RND2: variants seen among roughly 807,000 people sequenced by gnomAD.
RND2 encodes the protein rho-related GTP-binding protein RhoN.
In RND2, 16 loss-of-function variants were observed where a neutral mutation model predicts 25.9. The ratio of observed to expected loss-of-function variants is 0.62; its 90% CI spans 0.42 to 0.94. The LOEUF (loss-of-function observed/expected upper bound fraction) is 0.94. RND2 is among the 40% of genes least tolerant of loss of function. RND2 has a pLI of 0.00. For synonymous variants in RND2, 97 were observed against 118.1 expected (o/e 0.82, Z 1.16); for missense variants, 276 against 305.5 (o/e 0.90, Z 0.72).
Position 43,025,351 on chromosome 17 carries a change from G to A in RND2, c.4G>A (p.Glu2Lys). The stretch of plus-strand genomic sequence containing the variant: ...GGACCGGCGCGTAGCCGGGACCATG[G>A]AGGGGCAGAGCGGCCGCTGCAAGAT... M[E>K]GQSGRCKIVV... The change falls in exon 1 of 5, where the codon GAG becomes AAG. Residue 2 changes from glutamate (E) to lysine (K), a missense_variant. Physicochemically the swap from Glu to Lys is moderately conservative, Grantham distance 56 (BLOSUM62 1). Transcript: ENST00000587250. 2 of 1,546,554 alleles carry A rather than the reference G, an allele frequency of 1.3e-6. No individual in the cohort carries two copies. The highest frequency in any genetic ancestry group is 1.7e-6 in the Non-Finnish European group (2 of 1,145,924).
intron 1 of RND2, 41 bp downstream of exon 1, chr17:43,025,490 TG>T (rs769750036): frequency 3.2e-5 from 26 of 818,484 alleles, no homozygotes; most frequent in East Asian, 1.5e-4. Flanking sequence ...CTAAGGCTGC[TG>T]GGGGGTGGGT....
chr17:43,027,169 C>G lies in RND2; in HGVS notation c.191-14C>G. On this transcript the variant is annotated splice_polypyrimidine_tract_variant and intron_variant, in intron 2 of 4. Transcript: ENST00000587250. The stretch of plus-strand genomic sequence containing the variant: ...CCCATCCACTCAGGCCCCTCATGCC[C>G]TGTCTTCCTTCAGGTTCCTCTTACT... 6.4e-7 allele frequency: 1 copy of G among 1,570,708 alleles called. No individual in the cohort carries two copies. The highest frequency in any genetic ancestry group is 2.3e-5 in the East Asian group (1 of 44,116).
At position 43,025,448 on chromosome 17, in the gene RND2, G is replaced by T; in HGVS notation, c.101G>T (p.Gly34Val). 6.5e-7 allele frequency: 1 copy of T among 1,548,878 alleles called. No individual in the cohort carries two copies. Among genetic ancestry groups the T allele is most frequent in the Admixed American group, 2.0e-5 (1 of 50,874 alleles). ...LQVFAKDAYPGSYVPTVFENY... is the reference protein window; with the variant it reads ...LQVFAKDAYPVSYVPTVFENY... ...GTGTTCGCCAAGGACGCCTATCCCG[G>T]GGTGAGGGACCTGCGTCTTGGGAGG... Residue 34 changes from glycine (G) to valine (V), a missense_variant and splice_region_variant, in exon 1 of 5, where the codon GGG becomes GTG. By Grantham distance (109) the Gly-to-Val change is moderately radical. Coordinates refer to ENST00000587250, the MANE Select transcript of RND2 (RefSeq NM_005440.5).
intron 2 of RND2, 97 bp downstream of exon 2, chr17:43,026,144 C>A: frequency 1.4e-6 from 1 of 725,554 alleles, no homozygotes; most frequent in Non-Finnish European, 2.4e-6. Context: ...CCCAGCCCAT[C>A]CATCCAATTC....
In RND2 at chr17:43,025,416, G is replaced by A; in HGVS notation, c.69G>A (p.Leu23=). The change falls in exon 1 of 5, where the codon CTG becomes CTA. Residue 23 remains leucine, a synonymous_variant. Transcript: ENST00000587250. ...ACGCAGAGTGCGGCAAGACGGCGCT[G>A]CTGCAGGTGTTCGCCAAGGACGCCT... is the stretch of plus-strand genomic sequence containing the variant. ...VGDAECGKTA[L]LQVFAKDAYP... 1 of 1,552,732 alleles carries A rather than the reference G, an allele frequency of 6.4e-7. No homozygotes were observed. The highest frequency in any genetic ancestry group is 8.7e-7 in the Non-Finnish European group (1 of 1,148,150).
rs895256321 is a variant in RND2 at position 43,030,648 on chromosome 17, G to A, written c.*1968G>A. ...GAGGAGTTTTCCGGGCAGGGAAGGG[G>A]TAGGAAAGGCACTCTGGGCAGAGGG... On this transcript the variant is annotated 3_prime_UTR_variant, in exon 5 of 5. Coordinates refer to ENST00000587250, the MANE Select transcript of RND2 (RefSeq NM_005440.5). 6.6e-6 allele frequency: 1 copy of A among 152,312 alleles called. No individual in the cohort carries two copies. Among genetic ancestry groups the A allele is most frequent in the African/African-American group, 2.4e-5 (1 of 41,414 alleles). 9.4% of individuals were successfully genotyped at this position (152,312 alleles called of 1,614,324 possible).
rs1009108231 is a variant in RND2, at chr17:43,029,068, T to G, written c.*388T>G. 2 of 228,598 alleles carry G rather than the reference T, an allele frequency of 8.7e-6. No individual in the cohort carries two copies. The highest frequency in any genetic ancestry group is 4.5e-5 in the African/African-American group (2 of 44,750). The allele number at this position is 228,598 out of a possible 1,614,324, so 14.2% of individuals were successfully genotyped here. Reference sequence around the variant, plus strand: ...ATGTCCATTCTATGACCTTCTCTTTTCCTCTCCTCTCACTTCTGCAGCTAT... The same window carrying G: ...ATGTCCATTCTATGACCTTCTCTTTGCCTCTCCTCTCACTTCTGCAGCTAT... On this transcript the variant is annotated 3_prime_UTR_variant, in exon 5 of 5. Transcript: ENST00000587250.
intron 2 of RND2, among the ~76,000 whole-genome samples, chr17:43,026,548 C>A (rs1023376077): frequency 1.3e-5 from 2 of 152,158 alleles, no homozygotes; most frequent in African/African-American, 4.8e-5. Flanking sequence ...TACCAGGAGG[C>A]TGAGGCAAGA....
chr17:43,028,830 A>G lies in RND2; in HGVS notation c.*150A>G. ...CTGGGCAGGGGAGCTGGAGGGCAGAAGGGTATCATCGTTTCTCATCTCCTC... is the reference window on the plus strand; with the variant it reads ...CTGGGCAGGGGAGCTGGAGGGCAGAGGGGTATCATCGTTTCTCATCTCCTC... On this transcript the variant is annotated 3_prime_UTR_variant, in exon 5 of 5. Coordinates refer to ENST00000587250, the MANE Select transcript of RND2 (RefSeq NM_005440.5). 8.7e-7 allele frequency: 1 copy of G among 1,151,386 alleles called. No homozygotes were observed. The highest frequency in any genetic ancestry group is 1.2e-6 in the Non-Finnish European group (1 of 831,618). The allele number at this position is 1,151,386 out of a possible 1,614,324, so 71.3% of individuals were successfully genotyped here. A position where few individuals can be genotyped will look rare whatever the true frequency, so the allele number is the denominator to read the frequency against.
rs563968768 is a variant in RND2, at chr17:43,028,214, G to A, written c.435+19G>A. 2 of 1,613,932 alleles carry A rather than the reference G, an allele frequency of 1.2e-6. No homozygotes were observed. Among genetic ancestry groups the A allele is most frequent in the Middle Eastern group, 1.6e-4 (1 of 6,062 alleles). ...TGAGCAGGTGGGACCCTTGACGTCT[G>A]ACCTCATCCCAGCCTAGACCTGTCA... On this transcript the variant is annotated intron_variant, in intron 4 of 4. Coordinates refer to ENST00000587250, the MANE Select transcript of RND2 (RefSeq NM_005440.5).
rs1179714700 is a variant in RND2 at position 43,031,606 on chromosome 17, CCT to C, written c.*2929_*2930del. The C allele has an allele frequency of 6.6e-6, 1 of 152,184 alleles. No homozygotes were observed. The highest frequency in any genetic ancestry group is 1.5e-5 in the Non-Finnish European group (1 of 68,054). 9.4% of individuals were successfully genotyped at this position (152,184 alleles called of 1,614,324 possible). Reference sequence around the variant, plus strand: ...TGCAGAGTGTGGAGTGTTTGTGCCCCCTCTTTCCTCCAACCTCCATATCCTGC... The same window carrying C: ...TGCAGAGTGTGGAGTGTTTGTGCCCCCTTTCCTCCAACCTCCATATCCTGC... On this transcript the variant is annotated 3_prime_UTR_variant, in exon 5 of 5. Coordinates refer to ENST00000587250, the MANE Select transcript of RND2 (RefSeq NM_005440.5).
intron 2 of RND2, 39 bp from the exon 3 acceptor site, chr17:43,027,144 C>A (rs2050629222): frequency 7.4e-7 from 1 of 1,357,288 alleles, no homozygotes; most frequent in Admixed American, 2.0e-5. Context: ...TTCCAGGCCT[C>A]CCATCCACTC....
chr17:43,026,148 C>T, intron 2 of RND2, 101 bp downstream of exon 2: 1 of 707,992 alleles, frequency 1.4e-6, no homozygotes. Flanking sequence ...GCCCATCCAT[C>T]CAATTCCAAC....
rs1401827306 is a variant in RND2, at chr17:43,028,748, A to G, written c.*68A>G. 45 of 1,491,446 alleles carry G rather than the reference A, an allele frequency of 3.0e-5. No individual in the cohort carries two copies. Among genetic ancestry groups the G allele is most frequent in the Middle Eastern group, 2.3e-4 (1 of 4,372 alleles). The allele number at this position is 1,491,446 out of a possible 1,614,324, so 92.4% of individuals were successfully genotyped here. On this transcript the variant is annotated 3_prime_UTR_variant, in exon 5 of 5. Transcript: ENST00000587250. ...CACAATTGTTCCCCTGCCTGCGCCC[A>G]GGCTTCCTGACCTCCTGATCCTGGC...
In RND2 at chr17:43,028,204, C is replaced by T. The variant is rs2151974752; in HGVS notation, c.435+9C>T. The T allele has an allele frequency of 1.2e-6, 2 of 1,614,076 alleles. No individual in the cohort carries two copies. Among genetic ancestry groups the T allele is most frequent in the East Asian group, 4.5e-5 (2 of 44,878 alleles). On this transcript the variant is annotated intron_variant, in intron 4 of 4. Coordinates refer to ENST00000587250, the MANE Select transcript of RND2 (RefSeq NM_005440.5). The stretch of plus-strand genomic sequence containing the variant: ...CTGTTACACATGAGCAGGTGGGACC[C>T]TTGACGTCTGACCTCATCCCAGCCT...
rs2050654091 is a variant in RND2, at chr17:43,029,492, TAGTC to T, written c.*815_*818del. The T allele has an allele frequency of 6.6e-6, 1 of 152,268 alleles. No individual in the cohort carries two copies. Among genetic ancestry groups the T allele is most frequent in the African/African-American group, 2.4e-5 (1 of 41,400 alleles). The allele number at this position is 152,268 out of a possible 1,614,324, so 9.4% of individuals were successfully genotyped here. On this transcript the variant is annotated 3_prime_UTR_variant, in exon 5 of 5. Transcript: ENST00000587250. Reference sequence around the variant, plus strand: ...GTTTTAGAGCAGACCGACATATAATTAGTCAGCATTTCTCAGCCCAGCCAGGCCT... The same window carrying T: ...GTTTTAGAGCAGACCGACATATAATTAGCATTTCTCAGCCCAGCCAGGCCT...
At chr17:43,027,595 G>T (rs147190695) in intron 3 of RND2, among the ~76,000 whole-genome samples, 1 of 152,176 alleles carries the variant, frequency 6.6e-6, no homozygotes, top group Non-Finnish European at 1.5e-5. Context: ...AGATGGAGGG[G>T]ATGGGATGGG....
chr17:43,027,188 T>C lies in RND2; in HGVS notation c.196T>C (p.Ser66Pro). The C allele has an allele frequency of 6.2e-7, 1 of 1,602,394 alleles. No individual in the cohort carries two copies. Among genetic ancestry groups the C allele is most frequent in the Non-Finnish European group, 8.5e-7 (1 of 1,173,714 alleles). ...CATGCCCTGTCTTCCTTCAGGTTCC[T>C]CTTACTATGATAATGTCCGGCCTCT... Reference protein sequence around the residue: ...ELNMWDTSGSSYYDNVRPLAY... With the variant: ...ELNMWDTSGSPYYDNVRPLAY... The change falls in exon 3 of 5, where the codon TCT (serine) becomes CCT (proline). Residue 66 changes from serine (S) to proline (P), a missense_variant. Coordinates refer to ENST00000587250, the MANE Select transcript of RND2 (RefSeq NM_005440.5).
In RND2 at chr17:43,028,503, C is replaced by T. The variant is rs142574869; in HGVS notation, c.507C>T (p.Ser169=). 8.8e-5 allele frequency: 142 copies of T among 1,614,236 alleles called. 1 individual carries two copies. The African/African-American group carries it at 1.5e-3, about 17-fold the overall frequency. Residue 169 remains serine (S), a synonymous_variant, in exon 5 of 5, where the codon AGC becomes AGT. Transcript: ENST00000587250. ...VECSSRSSER[S]VRDVFHVATV... is the part of the protein sequence containing the mutation. ...GCTCCTCCCGGTCCTCTGAGCGCAG[C>T]GTCAGGGATGTCTTCCATGTGGCTA...
Sources: gnomAD v4.1 joint callset for allele counts (sites outside exome capture counted in the v4.1 genomes callset) on GRCh38, gnomAD v4.1.1 for gene constraint, MANE v1.5 for transcripts, NCBI Gene and HGNC (gene_info 2026-07-23, HGNC 2026-07-21) for gene names.